The following PARD3B variants were observed in gnomAD, a reference collection of about 807,000 sequenced individuals.
PARD3B encodes the protein par-3 family cell polarity regulator beta.
In PARD3B, 103 loss-of-function variants were observed where a neutral mutation model predicts 130.2. The observed-to-expected ratio is 0.79, with a 90% CI of 0.67 to 0.93. The LOEUF is 0.93. PARD3B is among the 40% of genes least tolerant of loss of function. The probability of loss-of-function intolerance (pLI) is 0.00; values close to 1 mark genes in which losing one functional copy is unlikely to be tolerated. For synonymous variants in PARD3B, 583 were observed against 553.2 expected, an observed-to-expected ratio of 1.05 and a Z score of -0.76; for missense variants, 1,609 against 1,499.2, an observed-to-expected ratio of 1.07 and a Z score of -1.21.
intron 2 of PARD3B, among the ~76,000 whole-genome samples, chr2:204,948,203 T>A (rs1299702825): frequency 6.6e-6 from 1 of 152,208 alleles, no homozygotes; most frequent in Non-Finnish European, 1.5e-5. Flanking sequence ...GGAGTCATTT[T>A]CCCTTTGGCT....
At chr2:204,778,804 A>G (rs1308647626) in intron 2 of PARD3B, among the ~76,000 whole-genome samples, 1 of 151,862 alleles carries the variant, frequency 6.6e-6, no homozygotes. Context: ...GGCACCTGCT[A>G]TTCCCCCTTC....
chr2:204,779,574 TAGAA>T (rs1385811595), intron 2 of PARD3B, among the ~76,000 whole-genome samples: 2 of 152,196 alleles, frequency 1.3e-5, no homozygotes, highest in African/African-American at 4.8e-5. Context: ...TCAGAAACTC[TAGAA>T]AACTGAAGAC....
chr2:205,451,688 G>GTATATA (rs35082767), intron 20 of PARD3B, among the ~76,000 whole-genome samples: 37 of 143,790 alleles, frequency 2.6e-4, no homozygotes, highest in African/African-American at 6.0e-4. Flanking sequence ...TATGTAATAG[G>GTATATA]TATATATATA....
intron 1 of PARD3B, among the ~76,000 whole-genome samples, chr2:204,630,581 CT>C (rs2034644024): frequency 6.6e-6 from 1 of 151,996 alleles, no homozygotes; most frequent in South Asian, 2.1e-4. Context: ...ATGTATATAT[CT>C]TTAGCGTATA....
intron 22 of PARD3B, among the ~76,000 whole-genome samples, chr2:205,611,530 G>T (rs1363536120): frequency 6.6e-6 from 1 of 152,092 alleles, no homozygotes; most frequent in African/African-American, 2.4e-5. Flanking sequence ...TATCTTTGTC[G>T]TGTTCAGACT....
At position 204,822,045 on chromosome 2, in the gene PARD3B, C is replaced by G. The variant is rs575056019; in HGVS notation, c.222+135763C>G. On this transcript the variant is annotated intron_variant, in intron 2 of 22. Coordinates refer to ENST00000406610, the MANE Select transcript of PARD3B (RefSeq NM_001302769.2). Reference sequence around the variant, plus strand: ...GCTGCCATAGATAGTGATTCCTTAACTTGGCAATGTAAATTGAAACCTTCT... The same window carrying G: ...GCTGCCATAGATAGTGATTCCTTAAGTTGGCAATGTAAATTGAAACCTTCT... Among the ~76,000 whole-genome samples the G allele has an allele frequency of 3.3e-4, 50 of 152,304 alleles. 1 individual carries two copies. The highest frequency in any genetic ancestry group is 1.0e-3 in the African/African-American group (43 of 41,568).
rs1219111260 is a variant in PARD3B, at chr2:205,241,143, CAT to C, written c.2141-4633_2141-4632del. 6.6e-6 allele frequency among the ~76,000 whole-genome samples: 1 copy of C among 152,186 alleles called. No homozygotes were observed. Among genetic ancestry groups the C allele is most frequent in the African/African-American group, 2.4e-5 (1 of 41,462 alleles). ...GGCTTACAACCATGAGAATTAGAAA[CAT>C]AGGCCATCAGGCTGCTGTTTCTCAA... On this transcript the variant is annotated intron_variant, in intron 15 of 22. Coordinates refer to ENST00000406610, the MANE Select transcript of PARD3B (RefSeq NM_001302769.2). The surrounding 1 kb of genome is among the most constrained non-coding windows in gnomAD (Gnocchi z 4.2).
intron 2 of PARD3B, among the ~76,000 whole-genome samples, chr2:204,825,189 C>T (rs1034722593): frequency 2.6e-5 from 4 of 152,152 alleles, no homozygotes; most frequent in Non-Finnish European, 5.9e-5. Context: ...GTAGTCAGTG[C>T]GTCAAGCATG....
At chr2:204,997,088 G>T (rs1694287760) in intron 3 of PARD3B, among the ~76,000 whole-genome samples, 1 of 152,074 alleles carries the variant, frequency 6.6e-6, no homozygotes, top group South Asian at 2.1e-4. Flanking sequence ...TTCCTATTCG[G>T]CCATCTTGGC....
intron 4 of PARD3B, chr2:205,103,590 G>C: frequency 2.2e-6 from 1 of 451,960 alleles, no homozygotes. Context: ...TATCTGGTTT[G>C]TTGCTTTGAT....
At chr2:205,040,198 G>A (rs898055127) in intron 3 of PARD3B, among the ~76,000 whole-genome samples, 15 of 152,206 alleles carry the variant, frequency 9.9e-5, no homozygotes, top group East Asian at 7.8e-4. Flanking sequence ...TCCTGACCTC[G>A]TGATCCACCC....
chr2:205,002,359 GCTTTC>G, intron 3 of PARD3B, among the ~76,000 whole-genome samples: 1 of 152,290 alleles, frequency 6.6e-6, no homozygotes, highest in Admixed American at 6.5e-5. Context: ...CCCTGTGCTG[GCTTTC>G]CTTAATATTT....
At chr2:204,908,088 A>G (rs1575273809) in intron 2 of PARD3B, among the ~76,000 whole-genome samples, 2 of 152,296 alleles carry the variant, frequency 1.3e-5, no homozygotes, top group South Asian at 2.1e-4. Context: ...CCTCTCTATC[A>G]TAATAATGAA....
chr2:205,317,062 A>G (rs4119080), intron 18 of PARD3B, among the ~76,000 whole-genome samples: 4,798 of 152,234 alleles, frequency 0.032, 215 homozygotes, highest in African/African-American at 0.1. Flanking sequence ...GTGGTAGGGC[A>G]TATAAGTTGT....
chr2:204,970,714 C>T (rs981125764), intron 3 of PARD3B, among the ~76,000 whole-genome samples: 2 of 152,122 alleles, frequency 1.3e-5, no homozygotes, highest in African/African-American at 4.8e-5. Context: ...ATTATTTTAG[C>T]AATGTAATTT....
Position 205,463,271 on chromosome 2 carries a change from G to GC in PARD3B, c.3044+22600dup, listed in dbSNP as rs953884163. Among the ~76,000 whole-genome samples the GC allele has an allele frequency of 2.0e-5, 3 of 152,152 alleles. No individual in the cohort carries two copies. The highest frequency in any genetic ancestry group is 2.0e-4 in the Admixed American group (3 of 15,288). Reference sequence around the variant, plus strand: ...TGAACAATGGATCCAAATTATCATTGCAAGAGTGCACTCAGTTAGGGGAAC... The same window carrying GC: ...TGAACAATGGATCCAAATTATCATTGCCAAGAGTGCACTCAGTTAGGGGAAC... On this transcript the variant is annotated intron_variant, in intron 20 of 22. Transcript: ENST00000406610. The surrounding 1 kb of genome is among the most constrained non-coding windows in gnomAD (Gnocchi z 4.8).
In PARD3B at chr2:205,401,403, T is replaced by C. The variant is rs145569959; in HGVS notation, c.2741+280T>C. ...AAAAATGCATATTTTCTCCATGTCT[T>C]TTTTTTTCCAAAGAAAGGTCATTTG... is the stretch of plus-strand genomic sequence containing the variant. On this transcript the variant is annotated intron_variant, in intron 19 of 22. Transcript: ENST00000406610. Among the ~76,000 whole-genome samples the C allele has an allele frequency of 2.4e-3, 371 of 152,218 alleles. 2 individuals carry two copies. The highest frequency in any genetic ancestry group is 8.1e-3 in the African/African-American group (335 of 41,530).
At chr2:205,427,327 C>T (rs2047176897) in intron 19 of PARD3B, among the ~76,000 whole-genome samples, 1 of 152,208 alleles carries the variant, frequency 6.6e-6, no homozygotes, top group South Asian at 2.1e-4. Context: ...TTCATTATGA[C>T]ATTATTTGCA....
At position 204,799,704 on chromosome 2, in the gene PARD3B, A is replaced by C. The variant is rs964394220; in HGVS notation, c.222+113422A>C. On this transcript the variant is annotated intron_variant, in intron 2 of 22. Coordinates refer to ENST00000406610, the MANE Select transcript of PARD3B (RefSeq NM_001302769.2). This position sits in a 1 kb window ranked among gnomAD's most constrained non-coding sequence, Gnocchi z 4.1. ...CTCTTTTTGGGGGCAAAGTGAGGGA[A>C]GAGAACAAGAGTCTCTGCCTGGTAA... 6.6e-6 allele frequency among the ~76,000 whole-genome samples: 1 copy of C among 152,210 alleles called. No individual in the cohort carries two copies. The highest frequency in any genetic ancestry group is 1.5e-5 in the Non-Finnish European group (1 of 68,042).
Sources: gnomAD v4.1 joint callset for allele counts (sites outside exome capture counted in the v4.1 genomes callset) on GRCh38, gnomAD v4.1.1 for gene constraint, Gnocchi (gnomAD v3.1) non-coding constraint, MANE v1.5 for transcripts, NCBI Gene and HGNC (gene_info 2026-07-23, HGNC 2026-07-21) for gene names.